EBF1: variants seen among roughly 807,000 people sequenced by gnomAD.
EBF1 encodes EBF transcription factor 1, also known as transcription factor COE1.
EBF1 carries 10 observed loss-of-function variants against 68.4 expected under a neutral mutation model. That is an observed-to-expected ratio of 0.15 (90% CI 0.09 to 0.25). EBF1 has a LOEUF of 0.25. Ranked by LOEUF, EBF1 falls within the 10% of genes least tolerant of loss-of-function variation. The probability of loss-of-function intolerance (pLI) is 1.00; values close to 1 mark genes in which losing one functional copy is unlikely to be tolerated. For missense variants in EBF1, 509 were observed against 794.4 expected, an observed-to-expected ratio of 0.64 and a Z score of 4.32; for synonymous variants, 298 against 299.8, an observed-to-expected ratio of 0.99 and a Z score of 0.06.
chr5:158,742,585 C>T (rs1766653258), intron 10 of EBF1, among the ~76,000 whole-genome samples: 1 of 152,144 alleles, frequency 6.6e-6, no homozygotes, highest in African/African-American at 2.4e-5. Flanking sequence ...TCAAGGAACT[C>T]CAGAGTCTAG....
intron 6 of EBF1, among the ~76,000 whole-genome samples, chr5:158,863,676 A>G (rs1795357538): frequency 6.6e-6 from 1 of 152,228 alleles, no homozygotes; most frequent in African/African-American, 2.4e-5. Context: ...GCAAAACCAA[A>G]TTGTATTAAC....
Position 158,860,868 on chromosome 5 carries a change from C to A in EBF1, c.555-20758G>T, listed in dbSNP as rs1023969736. Among the ~76,000 whole-genome samples the A allele has an allele frequency of 3.3e-5, 5 of 152,160 alleles. No individual in the cohort carries two copies. In the South Asian group the frequency reaches 1.0e-3, roughly 32 times the overall value. On this transcript the variant is annotated intron_variant, in intron 6 of 15. Transcript: ENST00000313708. ...TGACATCCACCTCCAGCACCCTGCA[C>A]AAGGGTGAGCGTGGGCCTCTAACCA... is the stretch of plus-strand genomic sequence containing the variant.
At chr5:158,908,340 A>C (rs1294383010) in intron 6 of EBF1, among the ~76,000 whole-genome samples, 2 of 152,210 alleles carry the variant, frequency 1.3e-5, no homozygotes, top group Non-Finnish European at 2.9e-5. Flanking sequence ...CTTTGTTCAC[A>C]AAAGGTATTG....
intron 10 of EBF1, among the ~76,000 whole-genome samples, chr5:158,760,692 C>A (rs923654656): frequency 6.6e-6 from 1 of 152,080 alleles, no homozygotes; most frequent in Admixed American, 6.6e-5. Flanking sequence ...ATCTCAGGTG[C>A]GATCTTATAC....
At chr5:158,876,797 G>T (rs909680708) in intron 6 of EBF1, among the ~76,000 whole-genome samples, 2 of 152,100 alleles carry the variant, frequency 1.3e-5, no homozygotes, top group African/African-American at 4.8e-5. Flanking sequence ...GCCCCCTTTC[G>T]ATTGTATTAA....
intron 8 of EBF1, among the ~76,000 whole-genome samples, chr5:158,818,083 A>G (rs1412190685): frequency 1.3e-5 from 2 of 152,126 alleles, no homozygotes; most frequent in Non-Finnish European, 2.9e-5. Flanking sequence ...AGAGGACCCC[A>G]CCTGGCTCTC....
intron 8 of EBF1, among the ~76,000 whole-genome samples, chr5:158,817,530 A>G (rs1290010409): frequency 6.6e-6 from 1 of 152,292 alleles, no homozygotes; most frequent in East Asian, 1.9e-4. Context: ...CAGTGCTGGC[A>G]TCATGCCCTT....
At chr5:158,969,730 G>C (rs1344282006) in intron 6 of EBF1, among the ~76,000 whole-genome samples, 1 of 151,164 alleles carries the variant, frequency 6.6e-6, no homozygotes, top group Non-Finnish European at 1.5e-5. Context: ...AGCTGTAATC[G>C]TGCCACTGCA....
chr5:158,971,852 A>G (rs1161049979), intron 6 of EBF1, among the ~76,000 whole-genome samples: 1 of 152,212 alleles, frequency 6.6e-6, no homozygotes, highest in Non-Finnish European at 1.5e-5. Flanking sequence ...TAAAGTCCAT[A>G]ACATTGAAAT....
chr5:158,920,299 C>A (rs377669769), intron 6 of EBF1, among the ~76,000 whole-genome samples: 5 of 152,116 alleles, frequency 3.3e-5, no homozygotes, highest in African/African-American at 1.2e-4. Flanking sequence ...ACTAAATAAC[C>A]AAACTGAGAT....
chr5:158,714,423 T>C (rs1760164961), intron 11 of EBF1, among the ~76,000 whole-genome samples: 1 of 152,254 alleles, frequency 6.6e-6, no homozygotes, highest in Admixed American at 6.5e-5. Context: ...CTCAATAGTC[T>C]GCCATAGGCA....
chr5:158,865,163 A>G (rs1278761158), intron 6 of EBF1, among the ~76,000 whole-genome samples: 1 of 152,158 alleles, frequency 6.6e-6, no homozygotes, highest in Non-Finnish European at 1.5e-5. Flanking sequence ...CCACCCCTTC[A>G]AGATAGGATT....
intron 10 of EBF1, among the ~76,000 whole-genome samples, chr5:158,772,189 A>G (rs1403986040): frequency 2.0e-5 from 3 of 152,184 alleles, no homozygotes; most frequent in Non-Finnish European, 2.9e-5. Flanking sequence ...TTTATGTAAG[A>G]AAAGACTAAA....
chr5:158,928,816 A>G (rs1243133696), intron 6 of EBF1, among the ~76,000 whole-genome samples: 1 of 152,216 alleles, frequency 6.6e-6, no homozygotes, highest in African/African-American at 2.4e-5. Flanking sequence ...AGCTATTATG[A>G]TCCAGGAAGC....
intron 6 of EBF1, among the ~76,000 whole-genome samples, chr5:158,945,997 T>C (rs1002864730): frequency 1.2e-4 from 19 of 152,320 alleles, no homozygotes; most frequent in African/African-American, 4.3e-4. Context: ...TCTGTATGTT[T>C]CGGGAAGTTC....
At chr5:158,735,990 C>G (rs141609600) in intron 10 of EBF1, among the ~76,000 whole-genome samples, 1 of 152,310 alleles carries the variant, frequency 6.6e-6, no homozygotes, top group African/African-American at 2.4e-5. Context: ...AGTTTTTATG[C>G]ACTCATACTA....
At chr5:158,835,661 A>G (rs1354753795) in intron 7 of EBF1, among the ~76,000 whole-genome samples, 1 of 152,174 alleles carries the variant, frequency 6.6e-6, no homozygotes, top group East Asian at 1.9e-4. Flanking sequence ...ATATCTGCTC[A>G]CAGACTATGG....
At chr5:159,097,281 G>T in intron 1 of EBF1, 151 bp from the exon 2 acceptor site, 1 of 848,848 alleles carries the variant, frequency 1.2e-6, no homozygotes, top group Non-Finnish European at 1.8e-6. Flanking sequence ...AGGCGACATA[G>T]ACCCAGCTGA....
intron 6 of EBF1, among the ~76,000 whole-genome samples, chr5:159,040,207 G>A (rs532473658): frequency 6.6e-6 from 1 of 152,218 alleles, no homozygotes; most frequent in Admixed American, 6.5e-5. Flanking sequence ...CACCACACTG[G>A]GCTTAGAAAA....
Sources: gnomAD v4.1 joint callset for allele counts (sites outside exome capture counted in the v4.1 genomes callset) on GRCh38, gnomAD v4.1.1 for gene constraint, MANE v1.5 for transcripts, NCBI Gene and HGNC (gene_info 2026-07-23, HGNC 2026-07-21) for gene names.